Variants in SPON1 observed in about 807,000 individuals in gnomAD.
SPON1 encodes the protein spondin-1.
SPON1 carries 52 observed loss-of-function variants against 111.7 expected under a neutral mutation model. The observed-to-expected ratio is 0.47, with a 90% confidence interval of 0.37 to 0.59. SPON1 has a LOEUF of 0.59. Ranked by LOEUF, SPON1 falls within the 20% of genes least tolerant of loss-of-function variation. The pLI is 0.00. For missense variants in SPON1, 957 were observed against 1,068.5 expected (o/e 0.90, Z 1.46); for synonymous variants, 410 against 395.8 (o/e 1.04, Z -0.43).
At chr11:14,169,125 G>A (rs183380493) in intron 6 of SPON1, among the ~76,000 whole-genome samples, 16 of 152,272 alleles carry the variant, frequency 1.1e-4, no homozygotes, top group Admixed American at 8.5e-4. Context: ...CCAATAGTGT[G>A]AAAGTGTTCC....
chr11:14,016,733 G>A (rs370042944), intron 2 of SPON1, among the ~76,000 whole-genome samples: 29 of 152,274 alleles, frequency 1.9e-4, no homozygotes, highest in African/African-American at 6.7e-4. Flanking sequence ...TTTTAGTAGT[G>A]TTTTGGAGAC....
At chr11:14,220,139 G>A (rs4128525) in intron 6 of SPON1, among the ~76,000 whole-genome samples, 48,547 of 150,066 alleles carry the variant, frequency 0.32, 8,430 homozygotes, top group Admixed American at 0.44. Context: ...GTTGCCCCAC[G>A]CCCATAAGTT....
rs370356399 is a variant in SPON1 at position 13,964,517 on chromosome 11, T to C, written c.238+1375T>C. Among the ~76,000 whole-genome samples the C allele has an allele frequency of 1.8e-4, 27 of 152,308 alleles. No individual in the cohort carries two copies. The East Asian group carries it at 2.3e-3, about 13-fold the overall frequency. ...CGCTTTTCCCCCTTTCCCGGGTTTG[T>C]GTCCCCGACTTTCTCCACCCGGAGC... On this transcript the variant is annotated intron_variant, in intron 1 of 15. Coordinates refer to ENST00000576479, the MANE Select transcript of SPON1 (RefSeq NM_006108.4).
At chr11:14,207,722 G>T (rs1047024073) in intron 6 of SPON1, among the ~76,000 whole-genome samples, 22 of 151,900 alleles carry the variant, frequency 1.4e-4, no homozygotes, top group Admixed American at 3.9e-4. Flanking sequence ...ACACATGCTG[G>T]CAAGGTTGTG....
At chr11:14,153,842 G>A (rs537048673) in intron 6 of SPON1, among the ~76,000 whole-genome samples, 1 of 152,218 alleles carries the variant, frequency 6.6e-6, no homozygotes, top group Admixed American at 6.5e-5. Context: ...GAGGGTAAAG[G>A]CATTGGGTAA....
chr11:14,020,104 G>A (rs1554914657), intron 2 of SPON1, among the ~76,000 whole-genome samples: 1 of 152,110 alleles, frequency 6.6e-6, no homozygotes, highest in African/African-American at 2.4e-5. Flanking sequence ...AGAGAAGGAG[G>A]GAATGGCTGT....
intron 7 of SPON1, among the ~76,000 whole-genome samples, chr11:14,251,847 A>G (rs1849056462): frequency 6.6e-6 from 1 of 152,216 alleles, no homozygotes; most frequent in Non-Finnish European, 1.5e-5. Context: ...CCAGGTCTTT[A>G]AAGAAGCTGC....
chr11:14,053,150 T>G (rs1591362430), intron 3 of SPON1, among the ~76,000 whole-genome samples: 1 of 152,220 alleles, frequency 6.6e-6, no homozygotes, highest in African/African-American at 2.4e-5. Flanking sequence ...TGAGGTTAAA[T>G]TCACATAACA....
intron 6 of SPON1, among the ~76,000 whole-genome samples, chr11:14,208,681 C>T (rs1848541321): frequency 6.6e-6 from 1 of 152,146 alleles, no homozygotes; most frequent in Admixed American, 6.5e-5. Context: ...ATATTTGGCA[C>T]ATGTTTAATA....
At chr11:14,119,989 C>G in intron 5 of SPON1, among the ~76,000 whole-genome samples, 1 of 152,094 alleles carries the variant, frequency 6.6e-6, no homozygotes, top group East Asian at 1.9e-4. Context: ...AAGTGGCTAC[C>G]ATATTGGACA....
intron 6 of SPON1, among the ~76,000 whole-genome samples, chr11:14,216,382 A>G (rs1303142261): frequency 1.3e-5 from 2 of 152,210 alleles, no homozygotes; most frequent in African/African-American, 4.8e-5. Flanking sequence ...CAATGTGCAG[A>G]TGCCTCCCCC....
intron 3 of SPON1, among the ~76,000 whole-genome samples, chr11:14,051,155 C>T (rs976902114): frequency 6.6e-6 from 1 of 152,104 alleles, no homozygotes. Context: ...TAATCCCCAT[C>T]GTGATGGTAT....
intron 6 of SPON1, among the ~76,000 whole-genome samples, chr11:14,234,167 C>G (rs1462823059): frequency 6.6e-6 from 1 of 152,224 alleles, no homozygotes; most frequent in Non-Finnish European, 1.5e-5. Flanking sequence ...TCAGATCTGG[C>G]CTGGATCATG....
chr11:14,000,334 A>G (rs560251107), intron 2 of SPON1, among the ~76,000 whole-genome samples: 2 of 152,212 alleles, frequency 1.3e-5, no homozygotes, highest in South Asian at 4.2e-4. Flanking sequence ...TTATAAAGCA[A>G]TACCCTCATC....
intron 2 of SPON1, among the ~76,000 whole-genome samples, chr11:14,022,457 G>A (rs1293530579): frequency 1.3e-5 from 2 of 152,198 alleles, no homozygotes; most frequent in Non-Finnish European, 2.9e-5. Context: ...ACTTAGCAAA[G>A]CAAGATGATA....
At chr11:14,068,659 C>T (rs1403788725) in intron 3 of SPON1, among the ~76,000 whole-genome samples, 4 of 152,208 alleles carry the variant, frequency 2.6e-5, no homozygotes, top group African/African-American at 9.7e-5. Flanking sequence ...GACTCCAAGT[C>T]CAACTCCTGT....
intron 5 of SPON1, among the ~76,000 whole-genome samples, chr11:14,121,893 T>C (rs559485666): frequency 4.9e-4 from 75 of 152,164 alleles, no homozygotes; most frequent in African/African-American, 1.7e-3. Flanking sequence ...GCTGACAGTT[T>C]TTTTTTTTAA....
At chr11:13,969,717 A>G (rs1848048080) in intron 1 of SPON1, among the ~76,000 whole-genome samples, 1 of 152,226 alleles carries the variant, frequency 6.6e-6, no homozygotes, top group South Asian at 2.1e-4. Flanking sequence ...TTGAAATTAT[A>G]CGTAAGATAT....
intron 3 of SPON1, among the ~76,000 whole-genome samples, chr11:14,074,693 C>T (rs1485090086): frequency 6.6e-6 from 1 of 152,202 alleles, no homozygotes; most frequent in East Asian, 1.9e-4. Flanking sequence ...CATGTCTGTG[C>T]AATCCCAAAT....
Sources: gnomAD v4.1 joint callset for allele counts (sites outside exome capture counted in the v4.1 genomes callset) on GRCh38, gnomAD v4.1.1 for gene constraint, MANE v1.5 for transcripts, NCBI Gene and HGNC (gene_info 2026-07-23, HGNC 2026-07-21) for gene names.